The following ZNF606 variants were observed in gnomAD, a reference collection of about 807,000 sequenced individuals.
ZNF606 encodes the protein zinc finger protein 606.
In ZNF606, 37 loss-of-function variants were observed where a neutral mutation model predicts 74.9. That is an observed-to-expected ratio of 0.49 (90% confidence interval 0.38 to 0.65). The LOEUF is 0.65. Among genes scored for constraint, ZNF606 ranks in the 30% least tolerant of loss-of-function variants. The probability of loss-of-function intolerance (pLI) is 0.00; values close to 1 mark genes in which losing one functional copy is unlikely to be tolerated. For synonymous variants in ZNF606, 328 were observed against 312.4 expected (o/e 1.05, Z -0.53); for missense variants, 852 against 952.9 (o/e 0.89, Z 1.39).
At chr19:57,992,820 G>A (rs1437862761) in intron 4 of ZNF606, among the ~76,000 whole-genome samples, 1 of 152,222 alleles carries the variant, frequency 6.6e-6, no homozygotes, top group East Asian at 1.9e-4. Flanking sequence ...AATGCAGAAA[G>A]TGGAAAGCTG....
In ZNF606 at chr19:57,991,139, C is replaced by T. The variant is rs141867188; in HGVS notation, c.178-2418G>A. Among the ~76,000 whole-genome samples the T allele has an allele frequency of 2.1e-3, 314 of 152,238 alleles. 2 individuals carry two copies. Among genetic ancestry groups the T allele is most frequent in the Middle Eastern group, 3.4e-3 (1 of 294 alleles). ...CTTCCAGCCTTACCCCAGTGCAGTT[C>T]CTCCTCTGCCTTTATTATCCGTTTT... On this transcript the variant is annotated intron_variant, in intron 4 of 6. Transcript: ENST00000551380.
At chr19:57,991,100 C>T (rs1025721192) in intron 4 of ZNF606, among the ~76,000 whole-genome samples, 1 of 152,174 alleles carries the variant, frequency 6.6e-6, no homozygotes, top group African/African-American at 2.4e-5. Flanking sequence ...CCCTCGCCTT[C>T]TCTCCTTCCT....
intron 6 of ZNF606, among the ~76,000 whole-genome samples, chr19:57,987,945 A>C (rs2073189213): frequency 6.6e-6 from 1 of 152,224 alleles, no homozygotes; most frequent in South Asian, 2.1e-4. Flanking sequence ...AGCTACATGG[A>C]TAAGAGGTAA....
At chr19:58,002,943 G>T (rs1274719709), upstream of ZNF606, 1 of 455,712 alleles carries the variant, frequency 2.2e-6, no homozygotes, top group Non-Finnish European at 4.4e-6. Flanking sequence ...GCGGGGTTGG[G>T]ACCTTTCTGG....
chr19:58,001,519 C>T, intron 1 of ZNF606, 149 bp from the exon 2 acceptor site: 2 of 639,380 alleles, frequency 3.1e-6, no homozygotes. Flanking sequence ...AAAAGTAACA[C>T]AATTCCTGGA....
intron 4 of ZNF606, among the ~76,000 whole-genome samples, chr19:57,994,965 C>T (rs774332027): frequency 6.6e-6 from 1 of 151,942 alleles, no homozygotes; most frequent in South Asian, 2.1e-4. Context: ...AGGTGAATCA[C>T]GAGGTCAAGA....
Position 58,002,602 on chromosome 19 carries a change from C to G in ZNF606, c.-258G>C, listed in dbSNP as rs1244150746. 4 of 440,078 alleles carry G rather than the reference C, an allele frequency of 9.1e-6. No homozygotes were observed. The highest frequency in any genetic ancestry group is 6.3e-5 in the South Asian group (4 of 63,622). 27.3% of individuals were successfully genotyped at this position (440,078 alleles called of 1,614,324 possible). On this transcript the variant is annotated 5_prime_UTR_variant, in exon 1 of 7. Coordinates refer to ENST00000551380, the MANE Select transcript of ZNF606 (RefSeq NM_001348022.3). ...GTCCGACCAGAAAACGAAGAACGCCCGGAGGCGGGAGGCCGGAGGCAGGCT... is the reference window on the plus strand; with the variant it reads ...GTCCGACCAGAAAACGAAGAACGCCGGGAGGCGGGAGGCCGGAGGCAGGCT...
chr19:57,994,850 G>A (rs552603878), intron 4 of ZNF606, among the ~76,000 whole-genome samples: 3 of 152,142 alleles, frequency 2.0e-5, no homozygotes, highest in Non-Finnish European at 2.9e-5. Context: ...AAGTAGCTTC[G>A]CCCCCTTGTA....
At chr19:57,987,333 C>A (rs1475103692) in intron 6 of ZNF606, among the ~76,000 whole-genome samples, 1 of 152,068 alleles carries the variant, frequency 6.6e-6, no homozygotes, top group Admixed American at 6.6e-5. Context: ...ACAGCCTCAA[C>A]ATCCCAGGCT....
intron 4 of ZNF606, chr19:57,997,309 G>T (rs957100121): frequency 6.6e-6 from 1 of 152,136 alleles, no homozygotes; most frequent in Non-Finnish European, 1.5e-5. Context: ...AGAAATAACG[G>T]GATCTGGGCT....
Position 57,979,263 on chromosome 19 carries a change from C to A in ZNF606, c.1417G>T (p.Val473Leu). Residue 473 changes from valine to leucine, a missense_variant, in exon 7 of 7, where the codon GTA (valine) becomes TTA (leucine). Around this residue, in one of 3 missense-constraint regions of ZNF606, gnomAD observed 243 missense variants for 359.2 expected, o/e 0.68. Coordinates refer to ENST00000551380, the MANE Select transcript of ZNF606 (RefSeq NM_001348022.3). ...KAFSWNSHLI[V>L]HKRIHTGEKP... The stretch of plus-strand genomic sequence containing the variant: ...TCTCCTGTATGAATTCTCTTATGTA[C>A]AATAAGATGAGAATTCCAGCTGAAG... 6.2e-7 allele frequency: 1 copy of A among 1,613,968 alleles called. No homozygotes were observed. The highest frequency in any genetic ancestry group is 8.5e-7 in the Non-Finnish European group (1 of 1,179,986).
intron 4 of ZNF606, 64 bp from the exon 5 acceptor site, chr19:57,988,785 A>T (rs1208572323): frequency 6.2e-7 from 1 of 1,609,214 alleles, no homozygotes. Flanking sequence ...CCAGGGATGG[A>T]GTGAGGCTGA....
Position 57,978,273 on chromosome 19 carries a change from G to A in ZNF606, c.*28C>T. On this transcript the variant is annotated 3_prime_UTR_variant, in exon 7 of 7. Coordinates refer to ENST00000551380, the MANE Select transcript of ZNF606 (RefSeq NM_001348022.3). This position sits in a 1 kb window ranked among gnomAD's most constrained non-coding sequence, Gnocchi z 4.4. ...GGTTTTCCTCAATGTGTTGTCAAAT[G>A]TACAAGAAACGAAAAACTCGCATAA... is the stretch of plus-strand genomic sequence containing the variant. 3 of 1,530,630 alleles carry A rather than the reference G, an allele frequency of 2.0e-6. No individual in the cohort carries two copies. The highest frequency in any genetic ancestry group is 1.3e-5 in the South Asian group (1 of 76,356). The allele number at this position is 1,530,630 out of a possible 1,614,324, so 94.8% of individuals were successfully genotyped here.
At chr19:58,000,854 C>A in intron 2 of ZNF606, 115 bp from the exon 3 acceptor site, 1 of 985,002 alleles carries the variant, frequency 1.0e-6, no homozygotes, top group East Asian at 2.6e-5. Context: ...AAACAGAGCC[C>A]AAGGGTGTGT....
intron 2 of ZNF606, 104 bp from the exon 3 acceptor site, chr19:58,000,843 T>C: frequency 5.3e-6 from 6 of 1,126,006 alleles, no homozygotes; most frequent in Non-Finnish European, 7.5e-6. Context: ...CAAAATTCCA[T>C]AAACAGAGCC....
At position 57,978,405 on chromosome 19, in the gene ZNF606, T is replaced by C; in HGVS notation, c.2275A>G (p.Ser759Gly). The C allele has an allele frequency of 6.2e-7, 1 of 1,613,952 alleles. No homozygotes were observed. The highest frequency in any genetic ancestry group is 1.6e-4 in the Middle Eastern group (1 of 6,062). ...CTGCATATAAAGCGTTTCTCTCCACTATGCATTCTCTGATGAATAATAAGG... is the reference window on the plus strand; with the variant it reads ...CTGCATATAAAGCGTTTCTCTCCACCATGCATTCTCTGATGAATAATAAGG... ...SSLIIHQRMH[S>G]GEKRFICSEC... The change falls in exon 7 of 7, where the codon AGT (serine) becomes GGT (glycine). Residue 759 changes from serine to glycine, a missense_variant. Transcript: ENST00000551380. This position sits in a 1 kb window ranked among gnomAD's most constrained non-coding sequence, Gnocchi z 4.4.
intron 4 of ZNF606, among the ~76,000 whole-genome samples, chr19:57,992,144 A>G (rs2073270751): frequency 6.6e-6 from 1 of 152,238 alleles, no homozygotes; most frequent in South Asian, 2.1e-4. Flanking sequence ...GAGGAATGAA[A>G]TCATTGGAGC....
intron 6 of ZNF606, among the ~76,000 whole-genome samples, chr19:57,983,251 T>A (rs2123278163): frequency 6.6e-6 from 1 of 152,176 alleles, no homozygotes; most frequent in South Asian, 2.1e-4. Context: ...TGAAGAGAGA[T>A]CCTACCAAAC....
At chr19:57,993,195 A>G (rs958534887) in intron 4 of ZNF606, among the ~76,000 whole-genome samples, 7 of 152,244 alleles carry the variant, frequency 4.6e-5, no homozygotes, top group Admixed American at 3.3e-4. Context: ...TCTGAGCTGC[A>G]GAACAGTAGA....
Sources: gnomAD v4.1 joint callset for allele counts (sites outside exome capture counted in the v4.1 genomes callset) on GRCh38, gnomAD v4.1.1 for gene constraint, gnomAD v4.1.1 regional missense constraint, Gnocchi (gnomAD v3.1) non-coding constraint, MANE v1.5 for transcripts, NCBI Gene and HGNC (gene_info 2026-07-23, HGNC 2026-07-21) for gene names.